Variants in PHF2 observed in about 807,000 individuals in gnomAD.
PHF2 encodes lysine-specific demethylase PHF2.
PHF2 carries 27 observed loss-of-function variants against 120.5 expected under a neutral mutation model. The observed-to-expected ratio is 0.22, with a 90% CI of 0.17 to 0.31. PHF2 has a LOEUF of 0.31. PHF2 is among the 10% of genes least tolerant of loss of function. PHF2 has a pLI of 1.00. For missense variants in PHF2, 1,024 were observed against 1,434.8 expected (o/e 0.71, Z 4.63); for synonymous variants, 568 against 592.5 (o/e 0.96, Z 0.60).
intron 14 of PHF2, 80 bp from the exon 15 acceptor site, chr9:93,665,606 G>A (rs972168165): frequency 1.0e-5 from 15 of 1,478,038 alleles, no homozygotes; most frequent in African/African-American, 1.4e-5. Flanking sequence ...GGCCCTGGCA[G>A]AGGACCCCTC....
intron 2 of PHF2, among the ~76,000 whole-genome samples, chr9:93,634,847 C>T (rs1017383597): frequency 1.3e-5 from 2 of 152,168 alleles, no homozygotes; most frequent in East Asian, 1.9e-4. Flanking sequence ...GTGTTCTGCC[C>T]GTGAACAAGC....
chr9:93,646,626 G>T (rs1826265685), intron 4 of PHF2, among the ~76,000 whole-genome samples: 1 of 152,190 alleles, frequency 6.6e-6, no homozygotes, highest in Non-Finnish European at 1.5e-5. Flanking sequence ...CCTTCATGGG[G>T]TGTGTGCTGG....
chr9:93,635,763 C>T (rs1044645692), intron 2 of PHF2, among the ~76,000 whole-genome samples: 2 of 152,140 alleles, frequency 1.3e-5, no homozygotes, highest in African/African-American at 4.8e-5. Flanking sequence ...CTCACATGCA[C>T]ATGTAAAAAG....
At chr9:93,614,678 G>A (rs1289692548) in intron 1 of PHF2, among the ~76,000 whole-genome samples, 2 of 152,180 alleles carry the variant, frequency 1.3e-5, no homozygotes, top group Admixed American at 6.5e-5. Context: ...CGGAGATTCT[G>A]TTTTTTCTGT....
chr9:93,672,737 G>C (rs1248569498), intron 17 of PHF2: 1 of 983,482 alleles, frequency 1.0e-6, no homozygotes, highest in Non-Finnish European at 1.2e-6. Context: ...TGTAGATGCA[G>C]GTATGGGTAT....
At chr9:93,637,155 G>A (rs1169334498) in intron 3 of PHF2, among the ~76,000 whole-genome samples, 1 of 152,138 alleles carries the variant, frequency 6.6e-6, no homozygotes, top group East Asian at 1.9e-4. Context: ...AGAATCCTAA[G>A]TTGGTGGGTT....
rs772216416 is a variant in PHF2, at chr9:93,668,347, C to G, written c.2348+1107C>G. Reference sequence around the variant, plus strand: ...CTGGCTGTGAGCTCCTCCTCCCTGTCGGAGGCTGTGGTGCTTCACACAGCT... The same window carrying G: ...CTGGCTGTGAGCTCCTCCTCCCTGTGGGAGGCTGTGGTGCTTCACACAGCT... On this transcript the variant is annotated intron_variant, in intron 17 of 21. Transcript: ENST00000359246. Among the ~76,000 whole-genome samples, 61 of 152,076 alleles carry G rather than the reference C, an allele frequency of 4.0e-4. 1 individual carries two copies. The highest frequency in any genetic ancestry group is 7.4e-5 in the Non-Finnish European group (5 of 68,026).
At chr9:93,665,589 C>T in intron 14 of PHF2, 97 bp from the exon 15 acceptor site, 1 of 1,360,948 alleles carries the variant, frequency 7.3e-7, no homozygotes, top group African/African-American at 1.4e-5. Context: ...GGAGGCCATC[C>T]TGCCGCGGCC....
rs200106707 is a variant in PHF2, at chr9:93,667,094, G to C, written c.2202G>C (p.Ser734=). 19 of 1,612,938 alleles carry C rather than the reference G, an allele frequency of 1.2e-5. No homozygotes were observed. Among genetic ancestry groups the C allele is most frequent in the Non-Finnish European group, 1.5e-5 (18 of 1,179,910 alleles). The part of the protein sequence containing the change: ...DSAAYKSDDS[S]DEGSLHIDTD... ...TCGCGCAGCAGAGTGATGACTCCTC[G>C]GACGAGGGTTCGCTGCACATCGACA... The change falls in exon 17 of 22, where the codon TCG becomes TCC. Residue 734 remains serine (S), a synonymous_variant. Transcript: ENST00000359246.
At chr9:93,667,460 G>C (rs9644970) in intron 17 of PHF2, among the ~76,000 whole-genome samples, 3,484 of 152,330 alleles carry the variant, frequency 0.023, 76 homozygotes, top group East Asian at 0.1. Context: ...TTAATTTTTC[G>C]GGTAAATTCA....
intron 3 of PHF2, among the ~76,000 whole-genome samples, chr9:93,643,465 G>A (rs911867834): frequency 2.0e-5 from 3 of 152,082 alleles, no homozygotes; most frequent in Non-Finnish European, 4.4e-5. Flanking sequence ...CTTCCTCACC[G>A]TCTAGTCCCC....
chr9:93,611,257 A>G (rs2131627335), intron 1 of PHF2, among the ~76,000 whole-genome samples: 1 of 152,178 alleles, frequency 6.6e-6, no homozygotes, highest in African/African-American at 2.4e-5. Context: ...ATCTACTAAA[A>G]ATACAAAACT....
At chr9:93,645,818 G>A in intron 4 of PHF2, 29 bp downstream of exon 4, 2 of 1,542,610 alleles carry the variant, frequency 1.3e-6, no homozygotes, top group South Asian at 2.5e-5. Context: ...ACAGTGCTCT[G>A]GGGCTGGAGC....
chr9:93,672,698 G>A (rs1281801584), intron 17 of PHF2: 1 of 984,174 alleles, frequency 1.0e-6, no homozygotes, highest in Admixed American at 6.2e-5. Flanking sequence ...AGGTGTAGAT[G>A]CAGGTATGGG....
intron 1 of PHF2, among the ~76,000 whole-genome samples, chr9:93,612,017 G>A (rs1245515977): frequency 3.3e-5 from 5 of 152,176 alleles, no homozygotes; most frequent in Non-Finnish European, 7.3e-5. Context: ...TTACAGAGGG[G>A]CATATTTATG....
At position 93,610,673 on chromosome 9, in the gene PHF2, A is replaced by G. The variant is rs1245546739; in HGVS notation, c.99-19297A>G. Among the ~76,000 whole-genome samples the G allele has an allele frequency of 1.3e-5, 2 of 151,690 alleles. 1 individual carries two copies. The highest frequency in any genetic ancestry group is 2.9e-5 in the Non-Finnish European group (2 of 68,010). On this transcript the variant is annotated intron_variant, in intron 1 of 21. Transcript: ENST00000359246. ...TTTATTGTACTTTATAATGTTTTGT[A>G]GTAAAAAAAAATTGGAAAACAAAAA...
At chr9:93,594,693 C>G (rs1276247366) in intron 1 of PHF2, 1 of 152,160 alleles carries the variant, frequency 6.6e-6, no homozygotes, top group Non-Finnish European at 1.5e-5. Context: ...GGACCTTGTG[C>G]CTAAAACATG....
intron 1 of PHF2, among the ~76,000 whole-genome samples, chr9:93,620,525 C>T (rs1825808639): frequency 6.6e-6 from 1 of 152,364 alleles, no homozygotes; most frequent in East Asian, 1.9e-4. Context: ...CCACGATGGG[C>T]TTCCTGCAGA....
At chr9:93,629,427 A>G (rs1321271252) in intron 1 of PHF2, among the ~76,000 whole-genome samples, 1 of 152,174 alleles carries the variant, frequency 6.6e-6, no homozygotes, top group East Asian at 1.9e-4. Context: ...GAGGAACTCC[A>G]GGGAGGGAAT....
Sources: gnomAD v4.1 joint callset for allele counts (sites outside exome capture counted in the v4.1 genomes callset) on GRCh38, gnomAD v4.1.1 for gene constraint, MANE v1.5 for transcripts, NCBI Gene and HGNC (gene_info 2026-07-23, HGNC 2026-07-21) for gene names.